Variants in VWA3B observed in about 807,000 individuals in gnomAD.
VWA3B encodes the protein von Willebrand factor A domain-containing protein 3B.
In VWA3B, 138 loss-of-function variants were observed where a neutral mutation model predicts 158.3. That is an observed-to-expected ratio of 0.87 (90% confidence interval 0.76 to 1.00). The LOEUF (loss-of-function observed/expected upper bound fraction) is 1.00, where lower values mean the gene tolerates loss of function less well. VWA3B is among the 50% of genes least tolerant of loss of function. The pLI is 0.00. For synonymous variants in VWA3B, 596 were observed against 587.3 expected (o/e 1.01, Z -0.21); for missense variants, 1,555 against 1,565.1 (o/e 0.99, Z 0.11).
At chr2:98,158,143 G>C (rs1021127417) in intron 7 of VWA3B, among the ~76,000 whole-genome samples, 1 of 152,084 alleles carries the variant, frequency 6.6e-6, no homozygotes, top group Non-Finnish European at 1.5e-5. Flanking sequence ...GAATGTATTA[G>C]GTGCTCCAGA....
intron 3 of VWA3B, among the ~76,000 whole-genome samples, chr2:98,119,161 A>G (rs968850571): frequency 6.6e-6 from 1 of 152,222 alleles, no homozygotes; most frequent in African/African-American, 2.4e-5. Flanking sequence ...CGTTTTAGTG[A>G]GACATTATTT....
At chr2:98,195,852 T>C (rs1272094184) in intron 12 of VWA3B, among the ~76,000 whole-genome samples, 2 of 152,178 alleles carry the variant, frequency 1.3e-5, no homozygotes, top group African/African-American at 2.4e-5. Context: ...TGCTGGCTTG[T>C]TGAATGTCCA....
At chr2:98,179,802 CTTTCTTTCTTTCTTTCTTTCTTTCTT>C (rs1158385009) in intron 8 of VWA3B, among the ~76,000 whole-genome samples, 15 of 75,328 alleles carry the variant, frequency 2.0e-4, no homozygotes, top group African/African-American at 6.6e-4. Flanking sequence ...TTCTTTCTTT[CTTTCTTTCTTTCTTTCTTTCTTTCTT>C]TTTCTTTCTT....
At chr2:98,138,749 A>G (rs976107165) in intron 7 of VWA3B, among the ~76,000 whole-genome samples, 1 of 152,188 alleles carries the variant, frequency 6.6e-6, no homozygotes, top group Non-Finnish European at 1.5e-5. Context: ...TCAGAATCCC[A>G]GGGCCCCAAA....
chr2:98,177,031 T>C (rs1680070877), intron 8 of VWA3B, among the ~76,000 whole-genome samples: 1 of 152,150 alleles, frequency 6.6e-6, no homozygotes, highest in African/African-American at 2.4e-5. Context: ...AAGAGAGTTA[T>C]GGTGGTGAGA....
Position 98,125,822 on chromosome 2 carries a change from T to A in VWA3B, c.703-2417T>A, listed in dbSNP as rs948873968. Among the ~76,000 whole-genome samples, 1 of 152,040 alleles carries A rather than the reference T, an allele frequency of 6.6e-6. No homozygotes were observed. The highest frequency in any genetic ancestry group is 2.4e-5 in the African/African-American group (1 of 41,400). On this transcript the variant is annotated intron_variant, in intron 5 of 27. Coordinates refer to ENST00000477737, the MANE Select transcript of VWA3B (RefSeq NM_144992.5). This position sits in a 1 kb window ranked among gnomAD's most constrained non-coding sequence, Gnocchi z 4.1. ...GGGACTACAGGCGCCTGCCACCACATCCGGCTAATTTTTCTGTATTTTTAG... is the reference window on the plus strand; with the variant it reads ...GGGACTACAGGCGCCTGCCACCACAACCGGCTAATTTTTCTGTATTTTTAG...
chr2:98,307,602 T>TA (rs1258900927), intron 26 of VWA3B, among the ~76,000 whole-genome samples: 1 of 152,248 alleles, frequency 6.6e-6, no homozygotes, highest in African/African-American at 2.4e-5. Flanking sequence ...AGCAGATGTT[T>TA]AAGAATGTTA....
At chr2:98,203,698 C>T (rs1445924757) in intron 12 of VWA3B, among the ~76,000 whole-genome samples, 1 of 152,196 alleles carries the variant, frequency 6.6e-6, no homozygotes, top group Non-Finnish European at 1.5e-5. Context: ...AGTGGTATTG[C>T]ACTTTTTATT....
chr2:98,238,405 G>A (rs965355696), intron 19 of VWA3B, among the ~76,000 whole-genome samples: 4 of 152,150 alleles, frequency 2.6e-5, no homozygotes, highest in African/African-American at 9.7e-5. Flanking sequence ...ATTTCTTGTA[G>A]GAGGTTTGGG....
chr2:98,190,473 G>A (rs1234168125), intron 10 of VWA3B, among the ~76,000 whole-genome samples: 3 of 151,916 alleles, frequency 2.0e-5, no homozygotes, highest in African/African-American at 7.3e-5. Flanking sequence ...TTATTCCTTT[G>A]TATGCATCCA....
At chr2:98,192,846 T>A in intron 10 of VWA3B, 52 bp from the exon 11 acceptor site, 5 of 1,613,500 alleles carry the variant, frequency 3.1e-6, no homozygotes, top group Non-Finnish European at 4.2e-6. Flanking sequence ...GGGAAGATGC[T>A]CTTGTTGCCT....
the VWA3B span, among the ~76,000 whole-genome samples, chr2:98,324,591 G>C: frequency 6.6e-6 from 1 of 152,138 alleles, no homozygotes; most frequent in Non-Finnish European, 1.5e-5. Context: ...AAAGTTAATT[G>C]TCTGCTAAAA....
chr2:98,237,854 A>G (rs534416785), intron 19 of VWA3B, among the ~76,000 whole-genome samples: 1 of 152,258 alleles, frequency 6.6e-6, no homozygotes, highest in African/African-American at 2.4e-5. Context: ...GGTTTGCTTT[A>G]TTGTAATTGG....
Position 98,294,030 on chromosome 2 carries a change from T to C in VWA3B, c.3157+3408T>C, listed in dbSNP as rs1001983575. Among the ~76,000 whole-genome samples the C allele has an allele frequency of 2.0e-4, 30 of 152,058 alleles. No individual in the cohort carries two copies. The South Asian group carries it at 3.5e-3, about 18-fold the overall frequency. On this transcript the variant is annotated intron_variant, in intron 23 of 27. Transcript: ENST00000477737. ...TTACAGAACGTTCCTCAGTTTGGGTTAGATTACATTCAGGTTATCATTGCC... is the reference window on the plus strand; with the variant it reads ...TTACAGAACGTTCCTCAGTTTGGGTCAGATTACATTCAGGTTATCATTGCC...
chr2:98,326,515 C>T, the VWA3B span, among the ~76,000 whole-genome samples: 1 of 152,126 alleles, frequency 6.6e-6, no homozygotes, highest in Admixed American at 6.5e-5. Flanking sequence ...AATGCCAGCA[C>T]TTTGGGAGGC....
chr2:98,290,670 A>G, intron 23 of VWA3B, 48 bp downstream of exon 23: 1 of 1,305,144 alleles, frequency 7.7e-7, no homozygotes, highest in Non-Finnish European at 1.1e-6. Flanking sequence ...AAATAATTTG[A>G]TACTAGGGAC....
At position 98,119,617 on chromosome 2, in the gene VWA3B, G is replaced by A; in HGVS notation, c.396G>A (p.Gln132=). 6.2e-7 allele frequency: 1 copy of A among 1,614,182 alleles called. No individual in the cohort carries two copies. Among genetic ancestry groups the A allele is most frequent in the African/African-American group, 1.3e-5 (1 of 75,046 alleles). ...ACTGGCTCACCAGCAAGAGCCGGCA[G>A]ATTTTTGGTGTCATCTTGGAACAGT... ...RMDWLTSKSR[Q]IFGVILEQCV... The change falls in exon 4 of 28, where the codon CAG becomes CAA. Residue 132 remains glutamine (Q), a synonymous_variant. Transcript: ENST00000477737.
At chr2:98,126,504 T>C (rs1161767800) in intron 5 of VWA3B, among the ~76,000 whole-genome samples, 1 of 152,096 alleles carries the variant, frequency 6.6e-6, no homozygotes, top group Non-Finnish European at 1.5e-5. Flanking sequence ...CTCGGATAAA[T>C]AATAGGCCTG....
At position 98,279,123 on chromosome 2, in the gene VWA3B, G is replaced by A. The variant is rs1055746719; in HGVS notation, c.3045+8240G>A. ...AGAAAATGAAGCCCTTCATTACTGT[G>A]CCACGTTTATCTAGGGGTTAGATGG... On this transcript the variant is annotated intron_variant, in intron 22 of 27. Coordinates refer to ENST00000477737, the MANE Select transcript of VWA3B (RefSeq NM_144992.5). Among the ~76,000 whole-genome samples the A allele has an allele frequency of 2.0e-5, 3 of 152,174 alleles. No homozygotes were observed. The South Asian group carries it at 6.2e-4, about 32-fold the overall frequency.
Sources: gnomAD v4.1 joint callset for allele counts (sites outside exome capture counted in the v4.1 genomes callset) on GRCh38, gnomAD v4.1.1 for gene constraint, Gnocchi (gnomAD v3.1) non-coding constraint, MANE v1.5 for transcripts, NCBI Gene and HGNC (gene_info 2026-07-23, HGNC 2026-07-21) for gene names.